Variants in TADA2A observed in about 807,000 individuals in gnomAD.
TADA2A encodes transcriptional adaptor 2A.
A neutral mutation model predicts 67.4 loss-of-function variants in TADA2A; 38 were observed. That is an observed-to-expected ratio of 0.56 (90% CI 0.44 to 0.74). TADA2A has a LOEUF of 0.74. Among genes scored for constraint, TADA2A ranks in the 30% least tolerant of loss-of-function variants. TADA2A has a pLI of 0.00. For synonymous variants in TADA2A, 192 were observed against 181.6 expected, an observed-to-expected ratio of 1.06 and a Z score of -0.46; for missense variants, 454 against 547.0, an observed-to-expected ratio of 0.83 and a Z score of 1.70.
chr17:37,423,435 G>A (rs542782816), intron 2 of TADA2A, 74 bp from the exon 3 acceptor site: 3 of 1,148,472 alleles, frequency 2.6e-6, no homozygotes, highest in Middle Eastern at 2.4e-4. Context: ...GGTCATTTGG[G>A]GATTTTCACC....
At chr17:37,461,988 T>G in intron 9 of TADA2A, 90 bp from the exon 10 acceptor site, 1 of 1,017,300 alleles carries the variant, frequency 9.8e-7, no homozygotes. Context: ...CACCTCAGCA[T>G]GTTTATGTCT....
At chr17:37,462,423 T>C (rs1375151726) in intron 10 of TADA2A, among the ~76,000 whole-genome samples, 4 of 151,678 alleles carry the variant, frequency 2.6e-5, no homozygotes, top group Non-Finnish European at 5.9e-5. Flanking sequence ...GGTCAGGAGA[T>C]CAAGACCATC....
rs911742163 is a variant in TADA2A, at chr17:37,440,792, C to T, written c.442+130C>T. 3 of 1,193,364 alleles carry T rather than the reference C, an allele frequency of 2.5e-6. No homozygotes were observed. In the African/African-American group the frequency reaches 4.6e-5, roughly 18 times the overall value. The allele number at this position is 1,193,364 out of a possible 1,614,324, so 73.9% of individuals were successfully genotyped here. A position where few individuals can be genotyped will look rare whatever the true frequency, so the allele number is the denominator to read the frequency against. Reference sequence around the variant, plus strand: ...CGGAAGATAGGAGGAGTTAGTATGGCAGCTATTGAGAGTCAGGATCGACCC... The same window carrying T: ...CGGAAGATAGGAGGAGTTAGTATGGTAGCTATTGAGAGTCAGGATCGACCC... On this transcript the variant is annotated intron_variant, in intron 6 of 15. Coordinates refer to ENST00000615182, the MANE Select transcript of TADA2A (RefSeq NM_001166105.3).
chr17:37,476,501 T>G (rs2032777120), intron 15 of TADA2A, among the ~76,000 whole-genome samples: 1 of 152,222 alleles, frequency 6.6e-6, no homozygotes, highest in Non-Finnish European at 1.5e-5. Context: ...AGAGCCAGGC[T>G]GCTCCTCAGG....
chr17:37,473,127 ATT>A (rs1020173351), intron 14 of TADA2A, among the ~76,000 whole-genome samples: 14 of 85,682 alleles, frequency 1.6e-4, no homozygotes, highest in Admixed American at 4.9e-4. Context: ...ACCTGGAGAA[ATT>A]TTTTTTTTTT....
intron 8 of TADA2A, among the ~76,000 whole-genome samples, chr17:37,451,857 A>T (rs853230): frequency 0.49 from 73,952 of 151,688 alleles, 18,804 homozygotes; most frequent in East Asian, 0.8. Context: ...GGTGGTGGGC[A>T]CCTGTAATCC....
At chr17:37,451,988 T>TA (rs1938484142) in intron 8 of TADA2A, among the ~76,000 whole-genome samples, 1 of 150,540 alleles carries the variant, frequency 6.6e-6, no homozygotes, top group South Asian at 2.1e-4. Flanking sequence ...GTCTCAAAAA[T>TA]AAAAAATAAA....
chr17:37,470,653 A>G, intron 13 of TADA2A, 121 bp downstream of exon 13: 1 of 1,122,882 alleles, frequency 8.9e-7, no homozygotes. Context: ...GAATTCAGAA[A>G]TATTTTAGCA....
At chr17:37,462,312 C>T (rs2053563844) in intron 10 of TADA2A, among the ~76,000 whole-genome samples, 191 bp downstream of exon 10, 1 of 152,066 alleles carries the variant, frequency 6.6e-6, no homozygotes, top group African/African-American at 2.4e-5. Flanking sequence ...CAGGGCAATT[C>T]TGATCCATAG....
intron 10 of TADA2A, among the ~76,000 whole-genome samples, chr17:37,462,665 TG>T (rs2053574632): frequency 6.6e-6 from 1 of 152,036 alleles, no homozygotes; most frequent in African/African-American, 2.4e-5. Flanking sequence ...AATAAATAAA[TG>T]TATTAATTTG....
intron 2 of TADA2A, among the ~76,000 whole-genome samples, chr17:37,421,981 C>A (rs1476359357): frequency 6.9e-6 from 1 of 144,438 alleles, no homozygotes; most frequent in Non-Finnish European, 1.5e-5. Context: ...CGGGTTCAAG[C>A]AGTTCTTCTG....
chr17:37,454,769 C>T (rs991603119), intron 8 of TADA2A: 1 of 292,804 alleles, frequency 3.4e-6, no homozygotes, highest in Non-Finnish European at 7.2e-6. Context: ...GAATGAGAAA[C>T]ATGAAGTTAA....
intron 5 of TADA2A, 37 bp from the exon 6 acceptor site, chr17:37,440,468 C>A: frequency 6.2e-7 from 1 of 1,608,460 alleles, no homozygotes; most frequent in Non-Finnish European, 8.5e-7. Flanking sequence ...TGTGTAAATA[C>A]AAGTACCACT....
chr17:37,447,347 GT>G (rs1252302957), intron 8 of TADA2A, among the ~76,000 whole-genome samples: 3 of 152,126 alleles, frequency 2.0e-5, no homozygotes, highest in Non-Finnish European at 4.4e-5. Flanking sequence ...TAGAGAGAGG[GT>G]TTTGCCATGT....
At chr17:37,408,985 A>G (rs2051768155) in intron 1 of TADA2A, among the ~76,000 whole-genome samples, 1 of 152,258 alleles carries the variant, frequency 6.6e-6, no homozygotes, top group Non-Finnish European at 1.5e-5. Flanking sequence ...TGTAGAATTA[A>G]CATTTATTAG....
chr17:37,462,054 A>T (rs1163181837), intron 9 of TADA2A, 24 bp from the exon 10 acceptor site: 1 of 1,542,724 alleles, frequency 6.5e-7, no homozygotes, highest in African/African-American at 1.4e-5. Flanking sequence ...CTAATGCACA[A>T]ATTATTGTGG....
chr17:37,424,449 G>A (rs955716061), intron 3 of TADA2A, among the ~76,000 whole-genome samples: 2 of 152,018 alleles, frequency 1.3e-5, no homozygotes, highest in African/African-American at 4.8e-5. Flanking sequence ...TGCCTCCCGG[G>A]TTCAAGTGAT....
intron 7 of TADA2A, among the ~76,000 whole-genome samples, 169 bp from the exon 8 acceptor site, chr17:37,444,527 C>T (rs561488576): frequency 8.5e-5 from 13 of 152,238 alleles, no homozygotes; most frequent in South Asian, 2.1e-4. Flanking sequence ...AGATTTTTCC[C>T]ATGACTTCCT....
chr17:37,462,689 CTT>C (rs1456924823), intron 10 of TADA2A, among the ~76,000 whole-genome samples: 6 of 152,098 alleles, frequency 3.9e-5, no homozygotes, highest in South Asian at 2.1e-4. Context: ...GTCAATAAAA[CTT>C]GTATTAAAAT....
Sources: allele counts gnomAD v4.1 joint callset (sites outside exome capture counted in the v4.1 genomes callset), GRCh38; gene constraint gnomAD v4.1.1; transcripts MANE v1.5; gene names NCBI Gene and HGNC (gene_info 2026-07-23, HGNC 2026-07-21).